ATP8A2: variants seen among roughly 807,000 people sequenced by gnomAD.
ATP8A2 encodes the protein ATPase phospholipid transporting 8A2.
Under a neutral mutation model 165.6 loss-of-function variants are expected in ATP8A2, and 100 were observed. The observed-to-expected ratio is 0.60, with a 90% CI of 0.51 to 0.71. The LOEUF (loss-of-function observed/expected upper bound fraction) is 0.71. Among genes scored for constraint, ATP8A2 ranks in the 30% least tolerant of loss-of-function variants. The pLI, the probability that ATP8A2 is intolerant of heterozygous loss-of-function variation, is 0.00. For missense variants in ATP8A2, 1,227 were observed against 1,479.5 expected, an observed-to-expected ratio of 0.83 and a Z score of 2.80; for synonymous variants, 543 against 548.8, an observed-to-expected ratio of 0.99 and a Z score of 0.15.
chr13:25,699,901 T>G (rs1566059934), intron 25 of ATP8A2, among the ~76,000 whole-genome samples: 1 of 143,630 alleles, frequency 7.0e-6, no homozygotes, highest in East Asian at 2.2e-4. Context: ...CTGCTGGCTA[T>G]GTGGAGGTCT....
rs547905125 is a variant in ATP8A2, at chr13:25,968,722, C to G, written c.3377+43C>G. ...AGTCCGCACAGAACACAGGTGCTCCCGGCCCTTTTCCCTTATTCCTTCCTG... is the reference window on the plus strand; with the variant it reads ...AGTCCGCACAGAACACAGGTGCTCCGGGCCCTTTTCCCTTATTCCTTCCTG... On this transcript the variant is annotated intron_variant, in intron 35 of 36. Coordinates refer to ENST00000381655, the MANE Select transcript of ATP8A2 (RefSeq NM_016529.6). 2.0e-6 allele frequency: 3 copies of G among 1,482,920 alleles called. No individual in the cohort carries two copies. In the South Asian group the frequency reaches 3.5e-5, roughly 17 times the overall value. The allele number at this position is 1,482,920 out of a possible 1,614,324, so 91.9% of individuals were successfully genotyped here.
At chr13:25,407,079 G>A (rs987371016) in intron 1 of ATP8A2, among the ~76,000 whole-genome samples, 1 of 152,178 alleles carries the variant, frequency 6.6e-6, no homozygotes, top group Non-Finnish European at 1.5e-5. Context: ...ATTAAGAACC[G>A]CAGAAGAGAC....
chr13:25,977,906 G>A (rs995232209), intron 35 of ATP8A2, among the ~76,000 whole-genome samples: 4 of 152,120 alleles, frequency 2.6e-5, no homozygotes, highest in East Asian at 1.9e-4. Context: ...CAGTGTTAGC[G>A]GTTTGCTAGT....
chr13:25,615,024 G>C (rs544342565), intron 24 of ATP8A2, among the ~76,000 whole-genome samples: 1 of 152,160 alleles, frequency 6.6e-6, no homozygotes, highest in Non-Finnish European at 1.5e-5. Flanking sequence ...TAGTATAGGG[G>C]GATACAAGCT....
rs146239349 is a variant in ATP8A2, at chr13:25,476,794, A to C, written c.221+7673A>C. On this transcript the variant is annotated intron_variant, in intron 2 of 36. Coordinates refer to ENST00000381655, the MANE Select transcript of ATP8A2 (RefSeq NM_016529.6). ...GTTTAGAAGTGGATATACTTGGTTA[A>C]TTTCCAAGCCAGGCACTGTACTTTC... Among the ~76,000 whole-genome samples the C allele has an allele frequency of 4.9e-3, 752 of 152,282 alleles. 5 individuals are homozygous for C. Among genetic ancestry groups the C allele is most frequent in the African/African-American group, 0.018 (730 of 41,542 alleles).
Position 25,833,248 on chromosome 13 carries a change from A to G in ATP8A2, c.2755-3915A>G, listed in dbSNP as rs141747829. ...ATTTTCTTGTATGGGAAGACTTAGTATCATAAAAGATTCAACTCTTCTAAA... is the reference window on the plus strand; with the variant it reads ...ATTTTCTTGTATGGGAAGACTTAGTGTCATAAAAGATTCAACTCTTCTAAA... On this transcript the variant is annotated intron_variant, in intron 28 of 36. Coordinates refer to ENST00000381655, the MANE Select transcript of ATP8A2 (RefSeq NM_016529.6). Among the ~76,000 whole-genome samples, 175 of 152,242 alleles carry G rather than the reference A, an allele frequency of 1.1e-3. 4 individuals carry two copies. In the East Asian group the frequency reaches 0.026, roughly 23 times the overall value.
At chr13:25,669,757 C>T (rs575166483) in intron 24 of ATP8A2, among the ~76,000 whole-genome samples, 1 of 152,230 alleles carries the variant, frequency 6.6e-6, no homozygotes, top group African/African-American at 2.4e-5. Context: ...GTTGCTTCCC[C>T]ATCCATTGTC....
At chr13:25,922,592 G>C (rs1024386270) in intron 33 of ATP8A2, among the ~76,000 whole-genome samples, 2 of 152,324 alleles carry the variant, frequency 1.3e-5, no homozygotes, top group Admixed American at 1.3e-4. Context: ...AGGCCACCAA[G>C]TGCTCAGAGG....
chr13:25,512,711 G>A (rs1460991925), intron 2 of ATP8A2, among the ~76,000 whole-genome samples: 1 of 144,432 alleles, frequency 6.9e-6, no homozygotes, highest in Non-Finnish European at 1.5e-5. Context: ...CCTCCCGGAC[G>A]GGGCAGCTGG....
chr13:25,815,831 A>T (rs192372219), intron 27 of ATP8A2, among the ~76,000 whole-genome samples: 136 of 152,386 alleles, frequency 8.9e-4, no homozygotes, highest in African/African-American at 3.2e-3. Flanking sequence ...TGCTATATAC[A>T]TACAATGGCA....
At chr13:25,491,361 T>G (rs2036523101) in intron 2 of ATP8A2, among the ~76,000 whole-genome samples, 1 of 152,072 alleles carries the variant, frequency 6.6e-6, no homozygotes, top group African/African-American at 2.4e-5. Flanking sequence ...CCCATGGTGC[T>G]ACATATTCTG....
chr13:25,925,244 T>C (rs1198425484), intron 33 of ATP8A2, among the ~76,000 whole-genome samples: 3 of 152,258 alleles, frequency 2.0e-5, no homozygotes, highest in South Asian at 4.1e-4. Context: ...AAAAAATTAT[T>C]AGGTGGGGGC....
intron 33 of ATP8A2, among the ~76,000 whole-genome samples, chr13:25,945,350 T>G (rs1324518020): frequency 1.3e-5 from 2 of 152,124 alleles, no homozygotes; most frequent in African/African-American, 2.4e-5. Context: ...AGTAACCAAA[T>G]AAGTTCTCAA....
At position 25,855,209 on chromosome 13, in the gene ATP8A2, C is replaced by A. The variant is rs552372240; in HGVS notation, c.2957-4986C>A. Among the ~76,000 whole-genome samples, 23 of 151,606 alleles carry A rather than the reference C, an allele frequency of 1.5e-4. No homozygotes were observed. In the South Asian group the frequency reaches 2.9e-3, roughly 19 times the overall value. On this transcript the variant is annotated intron_variant, in intron 30 of 36. Transcript: ENST00000381655. ...GAGATTGCAGTGAGCAGAGATCAAG[C>A]CATTGCACTCCAGCCTGGGCGACAG...
chr13:25,510,204 CACACACACACACACACAG>C lies in ATP8A2; in HGVS notation c.222-19793_222-19776del, dbSNP rs1235193599. Among the ~76,000 whole-genome samples, 319 of 130,214 alleles carry C rather than the reference CACACACACACACACACAG, an allele frequency of 2.4e-3. 2 individuals are homozygous for C. Among genetic ancestry groups the C allele is most frequent in the African/African-American group, 8.4e-3 (297 of 35,370 alleles). The allele number at this position is 130,214 out of a possible 152,430, so 85.4% of individuals were successfully genotyped here. ...ACACACACACACACACACACACACA[CACACACACACACACACAG>C]AGAATGTTGAAATAAATGGATGGAT... On this transcript the variant is annotated intron_variant, in intron 2 of 36. Coordinates refer to ENST00000381655, the MANE Select transcript of ATP8A2 (RefSeq NM_016529.6).
At chr13:25,642,397 T>C (rs1241683801) in intron 24 of ATP8A2, among the ~76,000 whole-genome samples, 4 of 152,050 alleles carry the variant, frequency 2.6e-5, no homozygotes, top group Non-Finnish European at 1.5e-5. Flanking sequence ...CTCAAACAAA[T>C]TTACAAGAAA....
At chr13:25,781,392 T>C (rs1358766934) in intron 27 of ATP8A2, among the ~76,000 whole-genome samples, 1 of 152,252 alleles carries the variant, frequency 6.6e-6, no homozygotes, top group Admixed American at 6.5e-5. Flanking sequence ...CCTTTTGCTG[T>C]TTTACAGCTT....
At chr13:25,689,948 C>T (rs1021925748) in intron 24 of ATP8A2, among the ~76,000 whole-genome samples, 2 of 152,124 alleles carry the variant, frequency 1.3e-5, no homozygotes, top group East Asian at 1.9e-4. Flanking sequence ...GTAGTAAATG[C>T]TTCTTAAAAC....
At chr13:25,615,735 T>A (rs2040806508) in intron 24 of ATP8A2, among the ~76,000 whole-genome samples, 1 of 152,194 alleles carries the variant, frequency 6.6e-6, no homozygotes, top group South Asian at 2.1e-4. Flanking sequence ...CAATTCTTCT[T>A]GTACCTGTGT....
Sources: gnomAD v4.1 joint callset for allele counts (sites outside exome capture counted in the v4.1 genomes callset) on GRCh38, gnomAD v4.1.1 for gene constraint, MANE v1.5 for transcripts, NCBI Gene and HGNC (gene_info 2026-07-23, HGNC 2026-07-21) for gene names.